LTN1: variants seen among roughly 807,000 people sequenced by gnomAD.
The protein encoded by LTN1 is listerin E3 ubiquitin protein ligase 1.
A neutral mutation model predicts 201.2 loss-of-function variants in LTN1; 88 were observed. The observed-to-expected ratio is 0.44, with a 90% CI of 0.37 to 0.52. LTN1 has a LOEUF of 0.52. Ranked by LOEUF, LTN1 falls within the 20% of genes least tolerant of loss-of-function variation. The probability of loss-of-function intolerance (pLI) is 0.00; values close to 1 mark genes in which losing one functional copy is unlikely to be tolerated. For synonymous variants in LTN1, 645 were observed against 713.5 expected (o/e 0.90, Z 1.53); for missense variants, 1,752 against 2,038.7 (o/e 0.86, Z 2.71).
At chr21:28,970,474 A>C in intron 8 of LTN1, 78 bp downstream of exon 8, 1 of 959,814 alleles carries the variant, frequency 1.0e-6, no homozygotes, top group Non-Finnish European at 1.6e-6. Context: ...ACTTGGAGAA[A>C]TTTAAGTAAG....
intron 5 of LTN1, 94 bp downstream of exon 5, chr21:28,982,222 A>G: frequency 1.7e-6 from 2 of 1,167,870 alleles, no homozygotes; most frequent in Non-Finnish European, 2.5e-6. Context: ...GTCTCAAAAA[A>G]AAAACAAAAA....
chr21:28,957,510 T>G lies in LTN1; in HGVS notation c.2748-34A>C, dbSNP rs186106278. The G allele has an allele frequency of 3.6e-5, 54 of 1,488,974 alleles. No individual in the cohort carries two copies. In the East Asian group the frequency reaches 1.3e-3, roughly 35 times the overall value. 92.2% of individuals were successfully genotyped at this position (1,488,974 alleles called of 1,614,324 possible). On this transcript the variant is annotated intron_variant, in intron 14 of 29. Transcript: ENST00000361371. ...AATGCAGAGAACTTAACTGTTGTAG[T>G]TACGCTATGACTAGTTTGAATACCC... is the stretch of plus-strand genomic sequence containing the variant.
intron 16 of LTN1, among the ~76,000 whole-genome samples, chr21:28,954,986 G>A (rs1215457171): frequency 6.6e-6 from 1 of 152,096 alleles, no homozygotes; most frequent in Non-Finnish European, 1.5e-5. Context: ...TCAACAAAGT[G>A]AAGAGACAAT....
intron 12 of LTN1, 139 bp from the exon 13 acceptor site, chr21:28,959,836 C>A (rs1307086363): frequency 2.9e-6 from 2 of 688,312 alleles, no homozygotes; most frequent in African/African-American, 3.6e-5. Flanking sequence ...AACAAATCAA[C>A]ACATTCTCTC....
chr21:28,959,930 G>GC (rs11402616), intron 12 of LTN1: 357,095 of 357,096 alleles, frequency 1, 178,547 homozygotes, highest in Non-Finnish European at 1. Flanking sequence ...GAGCAAGTTT[G>GC]TACACTGAAA....
chr21:28,961,261 G>A (rs1164612135), intron 11 of LTN1: 2 of 152,162 alleles, frequency 1.3e-5, no homozygotes, highest in African/African-American at 4.8e-5. Flanking sequence ...ATAAATTTTT[G>A]TTCATTAATT....
intron 21 of LTN1, among the ~76,000 whole-genome samples, chr21:28,944,866 C>T (rs185086444): frequency 2.4e-4 from 37 of 152,266 alleles, no homozygotes; most frequent in African/African-American, 8.7e-4. Flanking sequence ...CTAAGTCAGA[C>T]ACATTAAATA....
chr21:28,971,184 C>A, intron 7 of LTN1, 87 bp downstream of exon 7: 2 of 1,078,488 alleles, frequency 1.9e-6, no homozygotes, highest in South Asian at 1.9e-5. Context: ...TATTTTATTT[C>A]CAAGAAAGCA....
At chr21:28,946,915 T>G (rs1252700703) in intron 19 of LTN1, among the ~76,000 whole-genome samples, 2 of 152,192 alleles carry the variant, frequency 1.3e-5, no homozygotes, top group African/African-American at 2.4e-5. Flanking sequence ...TATTTATCCT[T>G]CAACACCCAG....
intron 17 of LTN1, among the ~76,000 whole-genome samples, chr21:28,952,729 A>C (rs1262112644): frequency 1.3e-5 from 2 of 152,238 alleles, no homozygotes; most frequent in Non-Finnish European, 2.9e-5. Context: ...TACTATCGGC[A>C]AGTGATAAAC....
At position 28,966,560 on chromosome 21, in the gene LTN1, G is replaced by C; in HGVS notation, c.1931C>G (p.Ala644Gly). 2 of 1,614,042 alleles carry C rather than the reference G, an allele frequency of 1.2e-6. No homozygotes were observed. The highest frequency in any genetic ancestry group is 1.7e-6 in the Non-Finnish European group (2 of 1,179,998). ...LGDEKQSIVQAKPLEIAKLVQ... is the reference protein window; with the variant it reads ...LGDEKQSIVQGKPLEIAKLVQ... ...AAGCTTGGCTATTTCAAGAGGTTTG[G>C]CTTGGACAATACTCTGTTTTTCATC... The change falls in exon 10 of 30, where the codon GCC becomes GGC. Residue 644 changes from alanine (A) to glycine (G), a missense_variant. Around this residue, in one of 3 missense-constraint regions of LTN1, gnomAD observed 1,211 missense variants for 1,312.8 expected, o/e 0.92. Coordinates refer to ENST00000361371, the MANE Select transcript of LTN1 (RefSeq NM_015565.3).
At chr21:28,931,067 G>GT (rs1491091598) in intron 29 of LTN1, 88 bp downstream of exon 29, 2 of 140,402 alleles carry the variant, frequency 1.4e-5, no homozygotes, top group African/African-American at 3.8e-4. Context: ...CATTGTGTAG[G>GT]TGTGTGTGTG....
rs867849819 is a variant in LTN1 at position 28,988,169 on chromosome 21, A to C, written c.43-1235T>G. ...AAAAAAAAAAAAACAACAAAAAAAA[A>C]CAAATTGCTCATACCGGCCAGGCAA... On this transcript the variant is annotated intron_variant, in intron 1 of 29. Transcript: ENST00000361371. Among the ~76,000 whole-genome samples, 49 of 136,984 alleles carry C rather than the reference A, an allele frequency of 3.6e-4. 1 individual carries two copies. Among genetic ancestry groups the C allele is most frequent in the South Asian group, 1.4e-3 (6 of 4,326 alleles). The allele number at this position is 136,984 out of a possible 152,430, so 89.9% of individuals were successfully genotyped here. A position where few individuals can be genotyped will look rare whatever the true frequency, so the allele number is the denominator to read the frequency against.
intron 21 of LTN1, 67 bp downstream of exon 21, chr21:28,945,739 TA>T: frequency 7.1e-7 from 1 of 1,400,614 alleles, no homozygotes; most frequent in South Asian, 1.4e-5. Context: ...ATGAGATTAG[TA>T]AATAGTTCTG....
In LTN1 at chr21:28,992,827, C is replaced by CT. The variant is rs749038709; in HGVS notation, c.-23dup. ...CCATGGTCGCGGTTGCAGCTGTACT[C>CT]TGAGCACTCAGACCCCGGTTGACAC... On this transcript the variant is annotated 5_prime_UTR_variant, in exon 1 of 30. Transcript: ENST00000361371. 1 of 1,614,238 alleles carries CT rather than the reference C, an allele frequency of 6.2e-7. No individual in the cohort carries two copies. Among genetic ancestry groups the CT allele is most frequent in the Admixed American group, 1.7e-5 (1 of 60,028 alleles).
At chr21:28,973,693 G>T (rs1448565232) in intron 6 of LTN1, among the ~76,000 whole-genome samples, 1 of 152,258 alleles carries the variant, frequency 6.6e-6, no homozygotes, top group South Asian at 2.1e-4. Flanking sequence ...CATAAGGACT[G>T]AGCAGATTGT....
intron 21 of LTN1, among the ~76,000 whole-genome samples, chr21:28,944,823 C>A (rs1489806594): frequency 6.6e-6 from 1 of 152,112 alleles, no homozygotes; most frequent in Non-Finnish European, 1.5e-5. Flanking sequence ...TTCTCAAGTA[C>A]CCTTTTTAAT....
In LTN1 at chr21:28,981,043, T is replaced by C. The variant is rs149720828; in HGVS notation, c.810+76A>G. 1,781 of 925,382 alleles carry C rather than the reference T, an allele frequency of 1.9e-3. 16 individuals are homozygous for C. In the African/African-American group the frequency reaches 0.024, roughly 13 times the overall value. 57.3% of individuals were successfully genotyped at this position (925,382 alleles called of 1,614,324 possible). A position where few individuals can be genotyped will look rare whatever the true frequency, so the allele number is the denominator to read the frequency against. ...CTTGCAGAGTTCTAAGTATAAACAA[T>C]AAACATAAAACATAAACTAAGAAGA... On this transcript the variant is annotated intron_variant, in intron 6 of 29. Transcript: ENST00000361371.
chr21:28,957,267 AT>A (rs1405087737), intron 15 of LTN1, 64 bp downstream of exon 15: 4 of 1,414,118 alleles, frequency 2.8e-6, no homozygotes, highest in Admixed American at 4.8e-5. Context: ...CAAAATAAAA[AT>A]ATTCAAGCTT....
Sources: gnomAD v4.1 joint callset for allele counts (sites outside exome capture counted in the v4.1 genomes callset) on GRCh38, gnomAD v4.1.1 for gene constraint, gnomAD v4.1.1 regional missense constraint, MANE v1.5 for transcripts, NCBI Gene and HGNC (gene_info 2026-07-23, HGNC 2026-07-21) for gene names.